SPSB4: variants seen among roughly 807,000 people sequenced by gnomAD.
SPSB4 encodes the protein SPRY domain-containing SOCS box protein 4.
SPSB4 carries 21 observed loss-of-function variants against 20.9 expected under a neutral mutation model. That is an observed-to-expected ratio of 1.01 (90% CI 0.71 to 1.45). SPSB4 has a LOEUF of 1.45. Ranked by LOEUF, SPSB4 falls within the 40% of genes most tolerant of loss-of-function variation. The pLI is 0.00. For synonymous variants in SPSB4, 207 were observed against 183.8 expected (o/e 1.13, Z -1.02); for missense variants, 399 against 399.2 (o/e 1.00, Z 0.00).
At chr3:141,127,371 C>G (rs1939065055) in intron 2 of SPSB4, among the ~76,000 whole-genome samples, 1 of 152,218 alleles carries the variant, frequency 6.6e-6, no homozygotes, top group African/African-American at 2.4e-5. Context: ...TGAGTGAGGC[C>G]TCAGTTCAGC....
intron 2 of SPSB4, among the ~76,000 whole-genome samples, chr3:141,126,956 G>C (rs563829928): frequency 6.8e-4 from 103 of 152,334 alleles, no homozygotes; most frequent in Non-Finnish European, 1.3e-3. Context: ...GCTCTCAAAG[G>C]CTGGGCAAGG....
At chr3:141,085,474 T>G (rs1374115247) in intron 2 of SPSB4, among the ~76,000 whole-genome samples, 3 of 152,160 alleles carry the variant, frequency 2.0e-5, no homozygotes, top group East Asian at 1.9e-4. Flanking sequence ...CTGCTAGAGC[T>G]TCAGCCATTG....
intron 2 of SPSB4, among the ~76,000 whole-genome samples, chr3:141,087,661 G>A (rs148792261): frequency 2.8e-3 from 420 of 152,328 alleles, no homozygotes; most frequent in African/African-American, 9.6e-3. Flanking sequence ...GTGGCTTGAG[G>A]TTGCAAGGCC....
At chr3:141,072,511 G>A (rs72980156) in intron 2 of SPSB4, among the ~76,000 whole-genome samples, 1 of 151,966 alleles carries the variant, frequency 6.6e-6, no homozygotes, top group South Asian at 2.1e-4. Flanking sequence ...GTTTAAAAGA[G>A]CCTGGCATCT....
intron 1 of SPSB4, among the ~76,000 whole-genome samples, chr3:141,058,606 A>G (rs773733333): frequency 6.6e-5 from 10 of 152,074 alleles, no homozygotes; most frequent in Non-Finnish European, 8.8e-5. Flanking sequence ...GAGAGGAGAA[A>G]TGTGCTAAGT....
intron 2 of SPSB4, among the ~76,000 whole-genome samples, chr3:141,134,035 C>CTTTTTTTTTTTTTTTTTTTTCTTTTTTTT (rs1348749217): frequency 2.1e-5 from 1 of 46,764 alleles, no homozygotes; most frequent in Non-Finnish European, 4.0e-5. Context: ...TTTTTCTTTT[C>CTTTTTTTTTTTTTTTTTTTTCTTTTTTTT]TTTTTTTTTT....
At chr3:141,120,507 G>A (rs1361114122) in intron 2 of SPSB4, among the ~76,000 whole-genome samples, 1 of 151,878 alleles carries the variant, frequency 6.6e-6, no homozygotes, top group African/African-American at 2.4e-5. Context: ...TATTGACAGT[G>A]GGGTGTTAAA....
chr3:141,138,580 A>G (rs1002285390), intron 2 of SPSB4, among the ~76,000 whole-genome samples: 8 of 152,064 alleles, frequency 5.3e-5, no homozygotes, highest in Non-Finnish European at 8.8e-5. Flanking sequence ...TTCCGCCTTC[A>G]TTTCCTTGTG....
intron 2 of SPSB4, among the ~76,000 whole-genome samples, chr3:141,138,324 C>G (rs1055412045): frequency 2.0e-5 from 3 of 152,120 alleles, no homozygotes; most frequent in African/African-American, 7.2e-5. Context: ...TTTTTTGTGT[C>G]TCTATCTCCT....
At chr3:141,085,517 T>A (rs1938323005) in intron 2 of SPSB4, among the ~76,000 whole-genome samples, 1 of 152,220 alleles carries the variant, frequency 6.6e-6, no homozygotes, top group Admixed American at 6.5e-5. Context: ...ATGGAAGAGC[T>A]AAAGGAGGGC....
rs921485058 is a variant in SPSB4 at position 141,148,345 on chromosome 3, T to C, written c.*1076T>C. 1 of 152,784 alleles carries C rather than the reference T, an allele frequency of 6.5e-6. No individual in the cohort carries two copies. Among genetic ancestry groups the C allele is most frequent in the African/African-American group, 2.4e-5 (1 of 41,456 alleles). 9.5% of individuals were successfully genotyped at this position (152,784 alleles called of 1,614,324 possible). ...AGCCTTGTGACTGGAAGGGTGGATA[T>C]GGGAGACACATTCTCTACCTGCTCC... On this transcript the variant is annotated 3_prime_UTR_variant, in exon 3 of 3. Coordinates refer to ENST00000310546, the MANE Select transcript of SPSB4 (RefSeq NM_080862.3). The surrounding 1 kb of genome is among the most constrained non-coding windows in gnomAD (Gnocchi z 4.5).
intron 2 of SPSB4, among the ~76,000 whole-genome samples, chr3:141,075,136 C>T (rs534002349): frequency 1.3e-5 from 2 of 152,130 alleles, no homozygotes; most frequent in Non-Finnish European, 2.9e-5. Flanking sequence ...TTTCTGAGTC[C>T]GTATTGAAAA....
rs1158735632 is a variant in SPSB4 at position 141,066,070 on chromosome 3, G to A, written c.-35G>A. 18 of 1,473,766 alleles carry A rather than the reference G, an allele frequency of 1.2e-5. No homozygotes were observed. The highest frequency in any genetic ancestry group is 1.5e-5 in the Non-Finnish European group (17 of 1,120,444). The allele number at this position is 1,473,766 out of a possible 1,614,324, so 91.3% of individuals were successfully genotyped here. On this transcript the variant is annotated 5_prime_UTR_variant, in exon 2 of 3. Transcript: ENST00000310546. ...GGAGTGGAGGCTCCCACGAGGTAGC[G>A]GTGGCCTGCAGCGGCCTCCTCCCCG... is the stretch of plus-strand genomic sequence containing the variant.
At chr3:141,074,467 TTC>T (rs375139322) in intron 2 of SPSB4, among the ~76,000 whole-genome samples, 1 of 152,238 alleles carries the variant, frequency 6.6e-6, no homozygotes, top group Non-Finnish European at 1.5e-5. Flanking sequence ...ACTGAAGGAT[TTC>T]ACACGAGGGA....
chr3:141,089,036 C>T (rs1388396452), intron 2 of SPSB4, among the ~76,000 whole-genome samples: 1 of 152,220 alleles, frequency 6.6e-6, no homozygotes, highest in East Asian at 1.9e-4. Flanking sequence ...GTGTGCAACT[C>T]GCTTCCTTCA....
intron 1 of SPSB4, among the ~76,000 whole-genome samples, chr3:141,060,766 C>T (rs1937745650): frequency 6.6e-6 from 1 of 152,190 alleles, no homozygotes; most frequent in Non-Finnish European, 1.5e-5. Context: ...TCTTCTGTTC[C>T]ACACATTCTC....
rs1477148633 is a variant in SPSB4, at chr3:141,066,304, T to C, written c.200T>C (p.Val67Ala). The C allele has an allele frequency of 1.3e-6, 2 of 1,574,436 alleles. No homozygotes were observed. Among genetic ancestry groups the C allele is most frequent in the Non-Finnish European group, 1.7e-6 (2 of 1,161,844 alleles). The stretch of plus-strand genomic sequence containing the variant: ...GAGGACCGCTCGCTCAACGTCTTCG[T>C]CAAGGACGACGACCGGCTCACCTTC... ...NPEDRSLNVF[V>A]KDDDRLTFHR... is the part of the protein sequence containing the mutation. The change falls in exon 2 of 3, where the codon GTC (valine) becomes GCC (alanine). Residue 67 changes from valine to alanine, a missense_variant. Val to Ala is a moderately conservative substitution (Grantham distance 64). Coordinates refer to ENST00000310546, the MANE Select transcript of SPSB4 (RefSeq NM_080862.3).
chr3:141,130,510 G>T (rs1939115975), intron 2 of SPSB4, among the ~76,000 whole-genome samples: 1 of 152,182 alleles, frequency 6.6e-6, no homozygotes, highest in African/African-American at 2.4e-5. Context: ...TCAGCTTTCA[G>T]GGCTGTCACT....
rs773905914 is a variant in SPSB4 at position 141,066,090 on chromosome 3, T to G, written c.-15T>G. On this transcript the variant is annotated 5_prime_UTR_variant, in exon 2 of 3. Coordinates refer to ENST00000310546, the MANE Select transcript of SPSB4 (RefSeq NM_080862.3). ...GTAGCGGTGGCCTGCAGCGGCCTCC[T>G]CCCCGCAGTGAAGCATGGGCCAGAA... The G allele has an allele frequency of 2.0e-6, 3 of 1,507,102 alleles. No homozygotes were observed. Among genetic ancestry groups the G allele is most frequent in the East Asian group, 2.6e-5 (1 of 38,046 alleles). 93.4% of individuals were successfully genotyped at this position (1,507,102 alleles called of 1,614,324 possible).
Sources: allele counts gnomAD v4.1 joint callset (sites outside exome capture counted in the v4.1 genomes callset), GRCh38; gene constraint gnomAD v4.1.1; non-coding constraint Gnocchi (gnomAD v3.1); transcripts MANE v1.5; gene names NCBI Gene and HGNC (gene_info 2026-07-23, HGNC 2026-07-21).